TMEM120B: variants seen among roughly 807,000 people sequenced by gnomAD.
The protein encoded by TMEM120B is transmembrane protein 120B.
In TMEM120B, 31 loss-of-function variants were observed where a neutral mutation model predicts 55.5. The ratio of observed to expected loss-of-function variants is 0.56; its 90% CI spans 0.42 to 0.75. The LOEUF (loss-of-function observed/expected upper bound fraction) is 0.75. Among genes scored for constraint, TMEM120B ranks in the 30% least tolerant of loss-of-function variants. The pLI is 0.00. For missense variants in TMEM120B, 399 were observed against 425.5 expected, an observed-to-expected ratio of 0.94 and a Z score of 0.55; for synonymous variants, 203 against 176.3, an observed-to-expected ratio of 1.15 and a Z score of -1.20.
rs1409814050 is a variant in TMEM120B at position 121,776,288 on chromosome 12, GC to G, written c.*567del. ...GCCTCGTGCTCTTCTTGCCCCTGGA[GC>G]GCTGGGGGCATCCTGAGTCAGGCTG... On this transcript the variant is annotated 3_prime_UTR_variant, in exon 12 of 12. Coordinates refer to ENST00000449592, the MANE Select transcript of TMEM120B (RefSeq NM_001080825.2). 5.8e-6 allele frequency: 1 copy of G among 172,834 alleles called. No individual in the cohort carries two copies. The highest frequency in any genetic ancestry group is 1.2e-5 in the Non-Finnish European group (1 of 82,708). 10.7% of individuals were successfully genotyped at this position (172,834 alleles called of 1,614,324 possible).
chr12:121,770,368 C>G (rs1479146934), intron 6 of TMEM120B, among the ~76,000 whole-genome samples: 1 of 152,130 alleles, frequency 6.6e-6, no homozygotes, highest in African/African-American at 2.4e-5. Flanking sequence ...CCTCAGTCCC[C>G]TCTTCAAAGG....
intron 6 of TMEM120B, among the ~76,000 whole-genome samples, chr12:121,763,135 G>A (rs1220780451): frequency 6.6e-6 from 1 of 150,738 alleles, no homozygotes; most frequent in Admixed American, 6.6e-5. Context: ...TTTTGGGGGT[G>A]GCCATTGGAA....
chr12:121,781,877 T>TC lies in TMEM120B; in HGVS notation c.*6158dup, dbSNP rs1264412925. ...CCCCACCCAGATTCACAGAGCACAC[T>TC]CCCTGGGGGGATACTTTAATCCGGA... On this transcript the variant is annotated 3_prime_UTR_variant, in exon 12 of 12. Transcript: ENST00000449592. 6.6e-6 allele frequency: 1 copy of TC among 151,238 alleles called. No individual in the cohort carries two copies. The highest frequency in any genetic ancestry group is 1.5e-5 in the Non-Finnish European group (1 of 67,376). The allele number at this position is 151,238 out of a possible 1,614,324, so 9.4% of individuals were successfully genotyped here.
rs144380924 is a variant in TMEM120B, at chr12:121,764,099, G to A, written c.551+2361G>A. 8.0e-3 allele frequency among the ~76,000 whole-genome samples: 1,193 copies of A among 148,784 alleles called. 26 individuals carry two copies. The highest frequency in any genetic ancestry group is 0.029 in the African/African-American group (1,148 of 39,868). On this transcript the variant is annotated intron_variant, in intron 6 of 11. Transcript: ENST00000449592. ...GCATTTTGGGAGGCAGAGGTGGGCA[G>A]ATCACTGGAGCCCAGGAGTTCAAGA...
At chr12:121,768,012 G>T (rs938167164) in intron 6 of TMEM120B, among the ~76,000 whole-genome samples, 17 of 152,328 alleles carry the variant, frequency 1.1e-4, no homozygotes, top group Non-Finnish European at 1.5e-4. Context: ...AAGTTGCAGA[G>T]AGACCTCCTG....
intron 1 of TMEM120B, among the ~76,000 whole-genome samples, chr12:121,723,973 A>T (rs935671970): frequency 3.4e-4 from 48 of 140,766 alleles, no homozygotes; most frequent in African/African-American, 1.2e-3. Flanking sequence ...TTATAATTAA[A>T]TTTTTTTTTT....
At chr12:121,740,931 T>TGTTAGA (rs2137113291) in intron 1 of TMEM120B, among the ~76,000 whole-genome samples, 1 of 152,316 alleles carries the variant, frequency 6.6e-6, no homozygotes, top group South Asian at 2.1e-4. Context: ...ATATGGTCTC[T>TGTTAGA]GTCACAACTA....
chr12:121,780,512 A>AC lies in TMEM120B; in HGVS notation c.*4791dup. On this transcript the variant is annotated 3_prime_UTR_variant, in exon 12 of 12. Coordinates refer to ENST00000449592, the MANE Select transcript of TMEM120B (RefSeq NM_001080825.2). ...TACTTTCAAACAAGGCAGACAGGAC[A>AC]CGACAGGACGGCGGCTCATAGCACA... The AC allele has an allele frequency of 2.5e-6, 1 of 406,068 alleles. No individual in the cohort carries two copies. Among genetic ancestry groups the AC allele is most frequent in the South Asian group, 6.7e-5 (1 of 15,012 alleles). 25.2% of individuals were successfully genotyped at this position (406,068 alleles called of 1,614,324 possible).
chr12:121,779,890 CCT>C lies in TMEM120B; in HGVS notation c.*4174_*4175del, dbSNP rs1874384075. 1.9e-6 allele frequency: 1 copy of C among 538,948 alleles called. No homozygotes were observed. The highest frequency in any genetic ancestry group is 3.0e-5 in the East Asian group (1 of 33,104). The allele number at this position is 538,948 out of a possible 1,614,324, so 33.4% of individuals were successfully genotyped here. On this transcript the variant is annotated 3_prime_UTR_variant, in exon 12 of 12. Transcript: ENST00000449592. ...AGCCCTGTCCAGGCCCCCACCCTGG[CCT>C]CTCTCCAGCTCCGGGCAGGGAGGGG... is the stretch of plus-strand genomic sequence containing the variant.
intron 8 of TMEM120B, 44 bp from the exon 9 acceptor site, chr12:121,773,377 G>T (rs531484399): frequency 1.3e-6 from 2 of 1,553,242 alleles, no homozygotes; most frequent in East Asian, 2.3e-5. Context: ...CCTGTCTTCC[G>T]GGGACACCAG....
At chr12:121,755,345 G>A (rs1592940661) in intron 5 of TMEM120B, among the ~76,000 whole-genome samples, 1 of 152,320 alleles carries the variant, frequency 6.6e-6, no homozygotes, top group African/African-American at 2.4e-5. Flanking sequence ...CTTTTCCACA[G>A]GCTCCAGGAC....
chr12:121,781,462 C>T lies in TMEM120B; in HGVS notation c.*5740C>T. On this transcript the variant is annotated 3_prime_UTR_variant, in exon 12 of 12. Transcript: ENST00000449592. ...CTCCAGCCTGGGTGACAGAGCGAGA[C>T]CCTGTCTCTTAACAACAAAACCCAT... 2.5e-6 allele frequency: 1 copy of T among 404,844 alleles called. No homozygotes were observed. The highest frequency in any genetic ancestry group is 4.6e-6 in the Non-Finnish European group (1 of 217,708). 25.1% of individuals were successfully genotyped at this position (404,844 alleles called of 1,614,324 possible).
intron 1 of TMEM120B, among the ~76,000 whole-genome samples, chr12:121,733,963 G>T (rs1373881499): frequency 6.6e-6 from 1 of 152,182 alleles, no homozygotes; most frequent in Non-Finnish European, 1.5e-5. Flanking sequence ...TGTGTTTAGG[G>T]TATAAGCTAC....
At chr12:121,772,620 C>T (rs1384491207) in intron 8 of TMEM120B, among the ~76,000 whole-genome samples, 2 of 151,808 alleles carry the variant, frequency 1.3e-5, no homozygotes, top group Non-Finnish European at 2.9e-5. Flanking sequence ...GATGAGATTT[C>T]ACCAGTTGGC....
Position 121,712,901 on chromosome 12 carries a change from C to G in TMEM120B, c.6C>G (p.Ser2=), listed in dbSNP as rs781447959. Residue 2 remains serine, a synonymous_variant, in exon 1 of 12, where the codon TCC becomes TCG. Coordinates refer to ENST00000449592, the MANE Select transcript of TMEM120B (RefSeq NM_001080825.2). Reference sequence around the variant, plus strand: ...CCGCCTTGCACCATCGCATCATGTCCGGGCAGCTGGAGCGTTGCGAGCGCG... The same window carrying G: ...CCGCCTTGCACCATCGCATCATGTCGGGGCAGCTGGAGCGTTGCGAGCGCG... M[S]GQLERCEREW... 1 of 1,529,982 alleles carries G rather than the reference C, an allele frequency of 6.5e-7. No individual in the cohort carries two copies. Among genetic ancestry groups the G allele is most frequent in the Non-Finnish European group, 8.7e-7 (1 of 1,145,548 alleles). 94.8% of individuals were successfully genotyped at this position (1,529,982 alleles called of 1,614,324 possible).
chr12:121,772,538 G>A (rs1245568979), intron 8 of TMEM120B, among the ~76,000 whole-genome samples: 1 of 151,368 alleles, frequency 6.6e-6, no homozygotes, highest in Admixed American at 6.6e-5. Flanking sequence ...CGGTTCAAGC[G>A]ATTCTCCTGC....
chr12:121,775,786 A>C lies in TMEM120B; in HGVS notation c.*64A>C, dbSNP rs1874223430. 6.4e-7 allele frequency: 1 copy of C among 1,564,310 alleles called. No homozygotes were observed. The highest frequency in any genetic ancestry group is 1.4e-5 in the African/African-American group (1 of 73,908). ...GCAGGGGGCTCCCGGGCTCCTTCCC[A>C]GCAGCCCTCTCAGGCCCGTGGCATC... On this transcript the variant is annotated 3_prime_UTR_variant, in exon 12 of 12. Coordinates refer to ENST00000449592, the MANE Select transcript of TMEM120B (RefSeq NM_001080825.2). This position sits in a 1 kb window ranked among gnomAD's most constrained non-coding sequence, Gnocchi z 4.3.
chr12:121,730,633 G>A (rs1220388244), intron 1 of TMEM120B, among the ~76,000 whole-genome samples: 1 of 109,894 alleles, frequency 9.1e-6, no homozygotes, highest in Non-Finnish European at 1.8e-5. Context: ...CCTGGCGACA[G>A]AGCGAGACAC....
Position 121,779,735 on chromosome 12 carries a change from G to T in TMEM120B, c.*4013G>T. On this transcript the variant is annotated 3_prime_UTR_variant, in exon 12 of 12. Coordinates refer to ENST00000449592, the MANE Select transcript of TMEM120B (RefSeq NM_001080825.2). ...TCCTAGCACCACCTGGTGGGTTTGG[G>T]ACTGGCTCTGAGGACTCTGCAGGGA... The T allele has an allele frequency of 6.5e-7, 1 of 1,533,600 alleles. No homozygotes were observed. The highest frequency in any genetic ancestry group is 8.9e-7 in the Non-Finnish European group (1 of 1,119,790). 95.0% of individuals were successfully genotyped at this position (1,533,600 alleles called of 1,614,324 possible). A position where few individuals can be genotyped will look rare whatever the true frequency, so the allele number is the denominator to read the frequency against.
Sources: allele counts gnomAD v4.1 joint callset (sites outside exome capture counted in the v4.1 genomes callset), GRCh38; gene constraint gnomAD v4.1.1; non-coding constraint Gnocchi (gnomAD v3.1); transcripts MANE v1.5; gene names NCBI Gene and HGNC (gene_info 2026-07-23, HGNC 2026-07-21).